Variants in TBC1D32 observed in about 807,000 individuals in gnomAD.
The protein encoded by TBC1D32 is protein broad-minded.
A neutral mutation model predicts 170.3 loss-of-function variants in TBC1D32; 151 were observed. That is an observed-to-expected ratio of 0.89 (90% CI 0.78 to 1.01). The LOEUF (loss-of-function observed/expected upper bound fraction) is 1.01, where lower values mean the gene tolerates loss of function less well. Ranked by LOEUF, TBC1D32 falls within the 50% of genes least tolerant of loss-of-function variation. The pLI, the probability that TBC1D32 is intolerant of heterozygous loss-of-function variation, is 0.00. For synonymous variants in TBC1D32, 498 were observed against 488.0 expected (o/e 1.02, Z -0.27); for missense variants, 1,464 against 1,457.1 (o/e 1.00, Z -0.08).
chr6:121,092,433 T>C (rs1457183637), intron 30 of TBC1D32, among the ~76,000 whole-genome samples: 1 of 151,738 alleles, frequency 6.6e-6, no homozygotes, highest in Non-Finnish European at 1.5e-5. Context: ...CATTTTGTTT[T>C]TCTAAAAACA....
chr6:121,227,455 C>T (rs375795667), intron 20 of TBC1D32, among the ~76,000 whole-genome samples: 2 of 152,094 alleles, frequency 1.3e-5, no homozygotes, highest in East Asian at 3.9e-4. Flanking sequence ...AAATATGATA[C>T]AAACTGTATG....
chr6:121,088,730 A>C (rs915652166), intron 31 of TBC1D32, among the ~76,000 whole-genome samples: 4 of 152,212 alleles, frequency 2.6e-5, no homozygotes, highest in Non-Finnish European at 5.9e-5. Context: ...TGAAAACAAC[A>C]AGGGTAAAAA....
intron 5 of TBC1D32, among the ~76,000 whole-genome samples, chr6:121,307,771 G>C (rs1353683169): frequency 6.6e-6 from 1 of 152,120 alleles, no homozygotes; most frequent in Non-Finnish European, 1.5e-5. Context: ...TGAGGCAGGA[G>C]AATCTACTTG....
chr6:121,101,776 T>C (rs553374839), intron 30 of TBC1D32, among the ~76,000 whole-genome samples: 2 of 152,182 alleles, frequency 1.3e-5, no homozygotes, highest in South Asian at 2.1e-4. Context: ...GGTATTCAAT[T>C]AGGAAAAGAG....
chr6:121,123,525 T>G (rs990929554), intron 26 of TBC1D32, among the ~76,000 whole-genome samples: 8 of 152,128 alleles, frequency 5.3e-5, no homozygotes, highest in Non-Finnish European at 1.0e-4. Flanking sequence ...TGCCTTAAAG[T>G]CTATTTCATC....
chr6:121,136,629 G>A (rs1782113816), intron 24 of TBC1D32, among the ~76,000 whole-genome samples: 1 of 152,032 alleles, frequency 6.6e-6, no homozygotes, highest in Admixed American at 6.6e-5. Context: ...AAAAATTAAT[G>A]GTAGTATGCA....
At chr6:121,082,361 T>C (rs1775724784) in intron 31 of TBC1D32, among the ~76,000 whole-genome samples, 1 of 152,094 alleles carries the variant, frequency 6.6e-6, no homozygotes. Flanking sequence ...AATCCTACTG[T>C]TCAAGAACTC....
intron 22 of TBC1D32, among the ~76,000 whole-genome samples, chr6:121,181,210 C>A (rs1788460990): frequency 6.6e-6 from 1 of 151,978 alleles, no homozygotes; most frequent in African/African-American, 2.4e-5. Flanking sequence ...AATATAACTA[C>A]CATATTGATA....
chr6:121,137,479 T>TAA lies in TBC1D32; in HGVS notation c.2774-5729_2774-5728dup, dbSNP rs200145102. Among the ~76,000 whole-genome samples, 1,150 of 133,284 alleles carry TAA rather than the reference T, an allele frequency of 8.6e-3. 15 individuals are homozygous for TAA. The highest frequency in any genetic ancestry group is 0.024 in the African/African-American group (861 of 36,398). 87.4% of individuals were successfully genotyped at this position (133,284 alleles called of 152,430 possible). On this transcript the variant is annotated intron_variant, in intron 24 of 31. Transcript: ENST00000398212. The stretch of plus-strand genomic sequence containing the variant: ...ACAACTATGAAAAATTGGAAGAAGG[T>TAA]AAAAAAAAAAAAAAACAACTACTTT...
chr6:121,132,221 T>C (rs1416023132), intron 24 of TBC1D32, among the ~76,000 whole-genome samples: 1 of 151,964 alleles, frequency 6.6e-6, no homozygotes, highest in African/African-American at 2.4e-5. Context: ...GGAAAAAATA[T>C]GCTGCTGAAG....
At chr6:121,186,399 G>A (rs1789215370) in intron 22 of TBC1D32, among the ~76,000 whole-genome samples, 1 of 151,824 alleles carries the variant, frequency 6.6e-6, no homozygotes, top group Non-Finnish European at 1.5e-5. Context: ...ATGACAAAGG[G>A]CTCAAGAACC....
chr6:121,248,134 T>C (rs1797856388), intron 17 of TBC1D32, among the ~76,000 whole-genome samples: 1 of 151,984 alleles, frequency 6.6e-6, no homozygotes, highest in African/African-American at 2.4e-5. Flanking sequence ...CAGACTGCAG[T>C]GGAATAAAAT....
chr6:121,257,064 T>C (rs186276082), intron 15 of TBC1D32, among the ~76,000 whole-genome samples: 57 of 152,320 alleles, frequency 3.7e-4, no homozygotes, highest in African/African-American at 1.3e-3. Context: ...ATTGTTGTAG[T>C]TACAGGTCCT....
intron 11 of TBC1D32, among the ~76,000 whole-genome samples, chr6:121,294,007 A>C (rs975258110): frequency 1.3e-5 from 2 of 151,882 alleles, no homozygotes; most frequent in Admixed American, 1.3e-4. Flanking sequence ...AGTAAAAATA[A>C]TGTTGTATAG....
intron 17 of TBC1D32, among the ~76,000 whole-genome samples, chr6:121,252,214 C>T (rs1461543473): frequency 6.6e-6 from 1 of 152,174 alleles, no homozygotes; most frequent in Non-Finnish European, 1.5e-5. Flanking sequence ...CCCTCAATCC[C>T]ATTACTGGGT....
At chr6:121,322,078 C>T (rs1434987733) in intron 1 of TBC1D32, among the ~76,000 whole-genome samples, 1 of 152,042 alleles carries the variant, frequency 6.6e-6, no homozygotes, top group Admixed American at 6.6e-5. Context: ...CTTTTTTATG[C>T]TCCTATCTTT....
intron 15 of TBC1D32, among the ~76,000 whole-genome samples, chr6:121,256,841 T>C (rs1209859205): frequency 6.6e-6 from 1 of 152,010 alleles, no homozygotes; most frequent in Admixed American, 6.6e-5. Flanking sequence ...GGCTAATTTT[T>C]GTACTTTTTT....
At chr6:121,253,589 G>T (rs1798580318) in intron 17 of TBC1D32, among the ~76,000 whole-genome samples, 1 of 152,020 alleles carries the variant, frequency 6.6e-6, no homozygotes. Context: ...CGTGGTGGTG[G>T]GCGCCTGTAG....
rs755665579 is a variant in TBC1D32 at position 121,115,166 on chromosome 6, A to G, written c.3053+6T>C. 2.5e-6 allele frequency: 4 copies of G among 1,589,924 alleles called. No homozygotes were observed. The South Asian group carries it at 4.6e-5, about 18-fold the overall frequency. On this transcript the variant is annotated splice_donor_region_variant and intron_variant, in intron 27 of 31. Transcript: ENST00000398212. ...TGCACAAGGGAGCTATTTCCCTATAATATACCTGACAGTCATTTTAATGCC... is the reference window on the plus strand; with the variant it reads ...TGCACAAGGGAGCTATTTCCCTATAGTATACCTGACAGTCATTTTAATGCC...
Sources: gnomAD v4.1 joint callset for allele counts (sites outside exome capture counted in the v4.1 genomes callset) on GRCh38, gnomAD v4.1.1 for gene constraint, MANE v1.5 for transcripts, NCBI Gene and HGNC (gene_info 2026-07-23, HGNC 2026-07-21) for gene names.